Variants in EXOC6B observed in about 807,000 individuals in gnomAD.
EXOC6B encodes the protein SEC15 homolog B.
Under a neutral mutation model 113.5 loss-of-function variants are expected in EXOC6B, and 54 were observed. The observed-to-expected ratio is 0.48, with a 90% CI of 0.38 to 0.60. The LOEUF (loss-of-function observed/expected upper bound fraction) is 0.60. EXOC6B is among the 20% of genes least tolerant of loss of function. The probability of loss-of-function intolerance (pLI) is 0.00; values close to 1 mark genes in which losing one functional copy is unlikely to be tolerated. For missense variants in EXOC6B, 797 were observed against 977.5 expected (o/e 0.82, Z 2.46); for synonymous variants, 357 against 339.0 (o/e 1.05, Z -0.58).
chr2:72,575,805 C>A, intron 6 of EXOC6B, 137 bp from the exon 7 acceptor site: 3 of 708,992 alleles, frequency 4.2e-6, no homozygotes, highest in Non-Finnish European at 6.4e-6. Context: ...GATATCTTAA[C>A]GAAAATACTA....
At chr2:72,817,691 C>T (rs753194126) in intron 1 of EXOC6B, among the ~76,000 whole-genome samples, 1 of 152,210 alleles carries the variant, frequency 6.6e-6, no homozygotes, top group Admixed American at 6.5e-5. Flanking sequence ...TTCCCTATCC[C>T]AATAATTGGC....
At chr2:72,763,858 A>G (rs1161497346) in intron 1 of EXOC6B, among the ~76,000 whole-genome samples, 2 of 151,988 alleles carry the variant, frequency 1.3e-5, no homozygotes, top group Non-Finnish European at 2.9e-5. Context: ...AGGCAGGCAG[A>G]TTGCTTGAGC....
chr2:72,496,108 G>T (rs954485596), intron 14 of EXOC6B, among the ~76,000 whole-genome samples: 3 of 152,032 alleles, frequency 2.0e-5, no homozygotes, highest in Non-Finnish European at 4.4e-5. Context: ...TAAATTTTAT[G>T]TTGTGGGGAA....
intron 6 of EXOC6B, among the ~76,000 whole-genome samples, chr2:72,709,153 T>C (rs1207992744): frequency 6.6e-6 from 1 of 152,164 alleles, no homozygotes; most frequent in African/African-American, 2.4e-5. Flanking sequence ...CTCTCTCTTC[T>C]AGATCATCCT....
At chr2:72,458,160 A>G (rs553830524) in intron 18 of EXOC6B, among the ~76,000 whole-genome samples, 1 of 152,278 alleles carries the variant, frequency 6.6e-6, no homozygotes, top group South Asian at 2.1e-4. Context: ...AGAGAGAGCC[A>G]CTTCTGTCAG....
intron 20 of EXOC6B, among the ~76,000 whole-genome samples, chr2:72,286,483 A>C (rs1284891194): frequency 6.6e-6 from 1 of 152,166 alleles, no homozygotes; most frequent in East Asian, 1.9e-4. Context: ...AGTGGCTGCC[A>C]GGGGTTGGGG....
intron 19 of EXOC6B, among the ~76,000 whole-genome samples, chr2:72,367,139 T>C (rs1690673383): frequency 6.6e-6 from 1 of 152,098 alleles, no homozygotes. Context: ...ATAACAACAA[T>C]AGCACAAACA....
intron 17 of EXOC6B, among the ~76,000 whole-genome samples, chr2:72,465,896 T>A (rs1698020928): frequency 6.6e-6 from 1 of 152,194 alleles, no homozygotes; most frequent in Admixed American, 6.5e-5. Context: ...TCCTTTTACT[T>A]CTCTGGACAC....
chr2:72,504,483 A>G (rs538072656), intron 11 of EXOC6B, among the ~76,000 whole-genome samples: 6 of 152,296 alleles, frequency 3.9e-5, no homozygotes, highest in African/African-American at 1.4e-4. Context: ...ATATAGCTAT[A>G]CTTTGGTTAT....
intron 20 of EXOC6B, among the ~76,000 whole-genome samples, chr2:72,292,353 G>A (rs1258743200): frequency 1.3e-5 from 2 of 152,012 alleles, no homozygotes; most frequent in African/African-American, 4.8e-5. Flanking sequence ...TTCTGAAATA[G>A]GCTCACAAGT....
intron 19 of EXOC6B, among the ~76,000 whole-genome samples, chr2:72,353,486 C>A (rs571400302): frequency 1.3e-5 from 2 of 152,096 alleles, no homozygotes; most frequent in South Asian, 4.1e-4. Flanking sequence ...ATCCTCCTGC[C>A]TCAGCCTCCC....
intron 6 of EXOC6B, among the ~76,000 whole-genome samples, chr2:72,694,344 AG>A (rs1677713640): frequency 6.6e-6 from 1 of 152,200 alleles, no homozygotes; most frequent in Non-Finnish European, 1.5e-5. Context: ...CAGGAAACTG[AG>A]GCAGGAGAAT....
intron 7 of EXOC6B, among the ~76,000 whole-genome samples, chr2:72,565,438 T>C (rs750757850): frequency 4.7e-5 from 7 of 149,426 alleles, no homozygotes; most frequent in Non-Finnish European, 7.4e-5. Flanking sequence ...CTATATGCTA[T>C]GAAACTCTAA....
chr2:72,738,107 A>G (rs1681080502), intron 2 of EXOC6B, among the ~76,000 whole-genome samples: 1 of 152,150 alleles, frequency 6.6e-6, no homozygotes, highest in Admixed American at 6.5e-5. Flanking sequence ...ATGACTTTCT[A>G]TGTGTGCTGT....
chr2:72,566,332 T>C (rs1409713872), intron 7 of EXOC6B, among the ~76,000 whole-genome samples: 1 of 152,162 alleles, frequency 6.6e-6, no homozygotes, highest in African/African-American at 2.4e-5. Flanking sequence ...CATTTGAGAT[T>C]CATCTGTATT....
intron 20 of EXOC6B, among the ~76,000 whole-genome samples, chr2:72,274,691 T>G (rs1684707128): frequency 1.3e-5 from 2 of 152,128 alleles, no homozygotes; most frequent in Non-Finnish European, 2.9e-5. Flanking sequence ...CGTGAACAAT[T>G]AGATCATTCC....
chr2:72,761,023 T>A (rs1682710768), intron 1 of EXOC6B, among the ~76,000 whole-genome samples: 1 of 151,966 alleles, frequency 6.6e-6, no homozygotes, highest in Non-Finnish European at 1.5e-5. Context: ...CTACTAAAAA[T>A]ACAAAAATTA....
At chr2:72,624,164 G>T (rs184395119) in intron 6 of EXOC6B, among the ~76,000 whole-genome samples, 3 of 151,772 alleles carry the variant, frequency 2.0e-5, no homozygotes, top group Non-Finnish European at 4.4e-5. Context: ...TTTGAGACAG[G>T]GTCTTGCCCT....
At chr2:72,778,499 A>G (rs1683835745) in intron 1 of EXOC6B, among the ~76,000 whole-genome samples, 1 of 152,188 alleles carries the variant, frequency 6.6e-6, no homozygotes, top group Non-Finnish European at 1.5e-5. Context: ...TTACAATAGA[A>G]ACAGAATTAA....
Sources: allele counts gnomAD v4.1 joint callset (sites outside exome capture counted in the v4.1 genomes callset), GRCh38; gene constraint gnomAD v4.1.1; transcripts MANE v1.5; gene names NCBI Gene and HGNC (gene_info 2026-07-23, HGNC 2026-07-21).